The following PDIA6 variants were observed in gnomAD, a reference collection of about 807,000 sequenced individuals.
The protein encoded by PDIA6 is protein disulfide isomerase family A member 6.
PDIA6 carries 29 observed loss-of-function variants against 58.4 expected under a neutral mutation model. The ratio of observed to expected loss-of-function variants is 0.50; its 90% CI spans 0.37 to 0.68. PDIA6 has a LOEUF of 0.68. PDIA6 is among the 30% of genes least tolerant of loss of function. The pLI, the probability that PDIA6 is intolerant of heterozygous loss-of-function variation, is 0.00. For synonymous variants in PDIA6, 192 were observed against 202.6 expected (o/e 0.95, Z 0.44); for missense variants, 480 against 551.0 (o/e 0.87, Z 1.29).
At chr2:10,793,684 TA>T (rs1666139814) in intron 4 of PDIA6, among the ~76,000 whole-genome samples, 1 of 152,196 alleles carries the variant, frequency 6.6e-6, no homozygotes, top group Non-Finnish European at 1.5e-5. Context: ...TCTTAAGTTT[TA>T]CGTAGTGTGA....
At chr2:10,812,444 C>T (rs1667040843) in intron 1 of PDIA6, among the ~76,000 whole-genome samples, 1 of 151,834 alleles carries the variant, frequency 6.6e-6, no homozygotes, top group South Asian at 2.1e-4. Context: ...GCACGAGGCT[C>T]CCGCCCCCCG....
At chr2:10,804,680 T>G (rs1160017762) in intron 1 of PDIA6, among the ~76,000 whole-genome samples, 1 of 132,220 alleles carries the variant, frequency 7.6e-6, no homozygotes, top group Non-Finnish European at 1.7e-5. Context: ...CATATGAACT[T>G]TAAAGTAGTT....
At position 10,784,114 on chromosome 2, in the gene PDIA6, G is replaced by T; in HGVS notation, c.*144C>A. 1 of 507,954 alleles carries T rather than the reference G, an allele frequency of 2.0e-6. No individual in the cohort carries two copies. Among genetic ancestry groups the T allele is most frequent in the Non-Finnish European group, 3.5e-6 (1 of 289,850 alleles). 31.5% of individuals were successfully genotyped at this position (507,954 alleles called of 1,614,324 possible). A position where few individuals can be genotyped will look rare whatever the true frequency, so the allele number is the denominator to read the frequency against. ...AGATGCAAAAGTTCACTGTTGCAGTGTTTTCAAATGACCAATCAAGTACTA... is the reference window on the plus strand; with the variant it reads ...AGATGCAAAAGTTCACTGTTGCAGTTTTTTCAAATGACCAATCAAGTACTA... On this transcript the variant is annotated 3_prime_UTR_variant, in exon 13 of 13. Transcript: ENST00000272227.
At chr2:10,816,954 A>G (rs930494125), upstream of PDIA6, among the ~76,000 whole-genome samples, 1 of 152,176 alleles carries the variant, frequency 6.6e-6, no homozygotes, top group African/African-American at 2.4e-5. Flanking sequence ...TTAATGACAT[A>G]TCAAAAGCCA....
At position 10,791,820 on chromosome 2, in the gene PDIA6, C is replaced by G; in HGVS notation, c.559G>C (p.Ala187Pro). 6.2e-7 allele frequency: 1 copy of G among 1,614,032 alleles called. No individual in the cohort carries two copies. The highest frequency in any genetic ancestry group is 8.5e-7 in the Non-Finnish European group (1 of 1,179,968). ...SEDVWMVEFY[A>P]PWCGHCKNLE... ...TTTTTGCAGTGTCCACACCAAGGAG[C>G]ATAGAACTCAACCATCCAAACATCT... Residue 187 changes from alanine (A) to proline (P), a missense_variant, in exon 6 of 13, where the codon GCT becomes CCT. Coordinates refer to ENST00000272227, the MANE Select transcript of PDIA6 (RefSeq NM_005742.4).
chr2:10,799,894 C>T (rs1444827432), intron 2 of PDIA6, among the ~76,000 whole-genome samples: 1 of 147,360 alleles, frequency 6.8e-6, no homozygotes, highest in African/African-American at 2.5e-5. Flanking sequence ...TTTTGGGAAT[C>T]CCTTTTAGGA....
chr2:10,824,470 C>A (rs1276914117), intron 1 of PDIA6, among the ~76,000 whole-genome samples: 3 of 152,226 alleles, frequency 2.0e-5, no homozygotes, highest in Non-Finnish European at 4.4e-5. Context: ...AGGGGTTTGT[C>A]ACCACAATAG....
At chr2:10,792,748 C>T (rs1253236672) in intron 5 of PDIA6, among the ~76,000 whole-genome samples, 1 of 152,148 alleles carries the variant, frequency 6.6e-6, no homozygotes, top group Non-Finnish European at 1.5e-5. Flanking sequence ...CCAATCTCAT[C>T]ACGGTTTGCC....
intron 1 of PDIA6, among the ~76,000 whole-genome samples, chr2:10,830,517 C>A (rs933905452): frequency 6.6e-6 from 1 of 152,234 alleles, no homozygotes; most frequent in African/African-American, 2.4e-5. Context: ...GCAGCAGGGC[C>A]TTTCCTCCCT....
At chr2:10,832,472 G>A (rs1298392055) in exon 1 of PDIA6, 1 of 984,514 alleles carries the variant, frequency 1.0e-6, no homozygotes, top group Non-Finnish European at 1.2e-6. Flanking sequence ...ACCTTGCAGC[G>A]GGCACCCTCG....
intron 1 of PDIA6, among the ~76,000 whole-genome samples, chr2:10,803,125 C>T (rs1455241680): frequency 6.6e-6 from 1 of 152,196 alleles, no homozygotes; most frequent in South Asian, 2.1e-4. Flanking sequence ...GTCTCTTCCA[C>T]TAGATTGTGA....
chr2:10,800,518 C>A (rs1666457790), intron 2 of PDIA6, among the ~76,000 whole-genome samples: 1 of 119,210 alleles, frequency 8.4e-6, no homozygotes, highest in African/African-American at 2.6e-5. Context: ...ATCATATTTC[C>A]ATACTTTAGG....
chr2:10,808,488 G>A (rs1686425), intron 1 of PDIA6, among the ~76,000 whole-genome samples: 74,217 of 152,034 alleles, frequency 0.49, 19,663 homozygotes, highest in South Asian at 0.58. Flanking sequence ...GGTTTTCTTT[G>A]AAGATGGGAG....
At chr2:10,799,104 T>C (rs1666395660) in intron 2 of PDIA6, among the ~76,000 whole-genome samples, 1 of 152,156 alleles carries the variant, frequency 6.6e-6, no homozygotes, top group Non-Finnish European at 1.5e-5. Flanking sequence ...GGTACTATTA[T>C]TGGGAAATAC....
intron 1 of PDIA6, among the ~76,000 whole-genome samples, chr2:10,806,681 T>C (rs1666781654): frequency 8.0e-6 from 1 of 125,368 alleles, no homozygotes. Context: ...TAATCTATTA[T>C]CCAAGAAATA....
intron 1 of PDIA6, among the ~76,000 whole-genome samples, chr2:10,825,278 GTCTCTCTCTCTGTCTCTCTCTCTCTC>G (rs760441541): frequency 1.2e-4 from 3 of 24,772 alleles, no homozygotes; most frequent in East Asian, 3.6e-3. Flanking sequence ...CTCTCTCTCT[GTCTCTCTCTCTGTCTCTCTCTCTCTC>G]TGTATATATA....
intron 7 of PDIA6, 106 bp downstream of exon 7, chr2:10,790,613 G>A: frequency 1.3e-6 from 1 of 751,996 alleles, no homozygotes; most frequent in Non-Finnish European, 2.3e-6. Context: ...CTTACAAAAT[G>A]GTTTAAACAT....
rs1666045848 is a variant in PDIA6, at chr2:10,791,804, T to C, written c.575A>G (p.His192Arg). 1 of 1,612,886 alleles carries C rather than the reference T, an allele frequency of 6.2e-7. No homozygotes were observed. Among genetic ancestry groups the C allele is most frequent in the Non-Finnish European group, 8.5e-7 (1 of 1,179,698 alleles). ...AGTAGAAGGCACTTACTTTTTGCAG[T>C]GTCCACACCAAGGAGCATAGAACTC... ...MVEFYAPWCG[H>R]CKNLEPEWAA... The change falls in exon 6 of 13, where the codon CAC (histidine) becomes CGC (arginine). Residue 192 changes from histidine to arginine, a missense_variant. Transcript: ENST00000272227.
intron 8 of PDIA6, among the ~76,000 whole-genome samples, chr2:10,789,492 A>G (rs994302113): frequency 4.6e-5 from 7 of 152,240 alleles, no homozygotes; most frequent in Non-Finnish European, 1.0e-4. Flanking sequence ...ATGTTCTATT[A>G]CTTTGAGAAT....
Sources: gnomAD v4.1 joint callset for allele counts (sites outside exome capture counted in the v4.1 genomes callset) on GRCh38, gnomAD v4.1.1 for gene constraint, MANE v1.5 for transcripts, NCBI Gene and HGNC (gene_info 2026-07-23, HGNC 2026-07-21) for gene names.